The following FMN2 variants were observed in gnomAD, a reference collection of about 807,000 sequenced individuals.
FMN2 encodes the protein formin-2.
Under a neutral mutation model 142.3 loss-of-function variants are expected in FMN2, and 51 were observed. That is an observed-to-expected ratio of 0.36 (90% confidence interval 0.29 to 0.45). FMN2 has a LOEUF of 0.45. Ranked by LOEUF, FMN2 falls within the 20% of genes least tolerant of loss-of-function variation. The pLI is 1.00. For synonymous variants in FMN2, 882 were observed against 869.8 expected, an observed-to-expected ratio of 1.01 and a Z score of -0.25; for missense variants, 1,936 against 2,122.8, an observed-to-expected ratio of 0.91 and a Z score of 1.73.
chr1:240,092,662 A>G lies in FMN2; in HGVS notation c.553A>G (p.Ser185Gly). Residue 185 changes from serine to glycine, a missense_variant, in exon 1 of 18, where the codon AGC (serine) becomes GGC (glycine). Ser to Gly is a moderately conservative substitution (Grantham distance 56). This residue lies in a region of FMN2 where 751 missense variants were observed against 791.8 expected (regional missense o/e 0.95). Coordinates refer to ENST00000319653, the MANE Select transcript of FMN2 (RefSeq NM_020066.5). ...CTCGGGCTCGGACACGGACATCTATAGCTTCCATTCGGCTACGGAGCAAGA... is the reference window on the plus strand; with the variant it reads ...CTCGGGCTCGGACACGGACATCTATGGCTTCCATTCGGCTACGGAGCAAGA... ...TSSGSDTDIY[S>G]FHSATEQEDL... 1.2e-6 allele frequency: 2 copies of G among 1,614,090 alleles called. No homozygotes were observed. Among genetic ancestry groups the G allele is most frequent in the Non-Finnish European group, 1.7e-6 (2 of 1,179,996 alleles).
chr1:240,324,926 A>G (rs770360530), intron 8 of FMN2, among the ~76,000 whole-genome samples: 1 of 152,136 alleles, frequency 6.6e-6, no homozygotes, highest in Non-Finnish European at 1.5e-5. Flanking sequence ...GAATTCTAAG[A>G]TGCGTCAAAA....
At chr1:240,289,020 G>T (rs975266996) in intron 7 of FMN2, among the ~76,000 whole-genome samples, 1 of 152,164 alleles carries the variant, frequency 6.6e-6, no homozygotes, top group Non-Finnish European at 1.5e-5. Context: ...CCCACAGAAC[G>T]TGTGAGATAA....
At chr1:240,106,052 T>C (rs902088980) in intron 1 of FMN2, among the ~76,000 whole-genome samples, 1 of 152,154 alleles carries the variant, frequency 6.6e-6, no homozygotes, top group African/African-American at 2.4e-5. Flanking sequence ...GTGTCTTACA[T>C]TGAACATTAA....
intron 1 of FMN2, 116 bp from the exon 2 acceptor site, chr1:240,123,063 G>A (rs890424347): frequency 2.6e-6 from 3 of 1,145,748 alleles, no homozygotes; most frequent in Admixed American, 2.4e-5. Context: ...TGCGCTGTCA[G>A]TAGCCTTGGA....
At position 240,330,623 on chromosome 1, in the gene FMN2, G is replaced by A. The variant is rs1671344563; in HGVS notation, c.4458G>A (p.Gly1486=). The A allele has an allele frequency of 6.2e-7, 1 of 1,613,784 alleles. No homozygotes were observed. The highest frequency in any genetic ancestry group is 8.5e-7 in the Non-Finnish European group (1 of 1,179,850). ...KLCETLKNGP[G]VMQVLGLVLA... ...TACAGACATTAAAAAATGGCCCAGG[G>A]GTTATGCAGGTTCTAGGTTTGGTTC... Residue 1486 remains glycine (G), a synonymous_variant, in exon 11 of 18, where the codon GGG becomes GGA. Coordinates refer to ENST00000319653, the MANE Select transcript of FMN2 (RefSeq NM_020066.5).
chr1:240,158,653 A>G (rs1206284515), intron 2 of FMN2, among the ~76,000 whole-genome samples: 1 of 152,100 alleles, frequency 6.6e-6, no homozygotes, highest in Non-Finnish European at 1.5e-5. Context: ...CCAAGCTACT[A>G]CTTAGTTTCT....
chr1:240,412,217 A>G (rs546690667), intron 15 of FMN2, among the ~76,000 whole-genome samples: 2 of 152,324 alleles, frequency 1.3e-5, no homozygotes, highest in African/African-American at 4.8e-5. Flanking sequence ...ATTACAATGT[A>G]TGCCTAAAGA....
rs551870967 is a variant in FMN2 at position 240,242,003 on chromosome 1, G to A, written c.4066-15942G>A. Among the ~76,000 whole-genome samples, 9 of 151,880 alleles carry A rather than the reference G, an allele frequency of 5.9e-5. No individual in the cohort carries two copies. The South Asian group carries it at 1.3e-3, about 21-fold the overall frequency. ...TGGGACTACAGGTGCCCGCCACCAC[G>A]CCCGGCTAATTTTTTGTATTTTTAG... On this transcript the variant is annotated intron_variant, in intron 6 of 17. Coordinates refer to ENST00000319653, the MANE Select transcript of FMN2 (RefSeq NM_020066.5).
rs189450526 is a variant in FMN2, at chr1:240,107,218, A to T, written c.1615+13494A>T. On this transcript the variant is annotated intron_variant, in intron 1 of 17. Coordinates refer to ENST00000319653, the MANE Select transcript of FMN2 (RefSeq NM_020066.5). ...TCTTGAGAAGAGCAATTTCATCATC[A>T]CTGGAGATGTTAAAATAGAGACTGA... Among the ~76,000 whole-genome samples the T allele has an allele frequency of 2.0e-5, 3 of 152,202 alleles. No individual in the cohort carries two copies. In the East Asian group the frequency reaches 5.8e-4, roughly 30 times the overall value.
At chr1:240,378,384 C>G (rs934277648) in intron 14 of FMN2, among the ~76,000 whole-genome samples, 2 of 152,158 alleles carry the variant, frequency 1.3e-5, no homozygotes, top group Admixed American at 6.5e-5. Flanking sequence ...CTCCTGACCT[C>G]AGGTGATCCA....
At chr1:240,119,096 G>A (rs1662135494) in intron 1 of FMN2, among the ~76,000 whole-genome samples, 1 of 151,986 alleles carries the variant, frequency 6.6e-6, no homozygotes, top group Non-Finnish European at 1.5e-5. Context: ...TTGGGAGGCT[G>A]AGGTGGGCGG....
At chr1:240,144,007 A>C (rs1049233949) in intron 2 of FMN2, 14 of 1,200,286 alleles carry the variant, frequency 1.2e-5, no homozygotes, top group African/African-American at 6.0e-5. Context: ...GGACACACTC[A>C]TTCCAGACCC....
At position 240,133,474 on chromosome 1, in the gene FMN2, T is replaced by G. The variant is rs143811521; in HGVS notation, c.1782+10129T>G. Among the ~76,000 whole-genome samples the G allele has an allele frequency of 5.2e-3, 787 of 152,282 alleles. 3 individuals are homozygous for G. The highest frequency in any genetic ancestry group is 0.031 in the South Asian group (151 of 4,822). On this transcript the variant is annotated intron_variant, in intron 2 of 17. Coordinates refer to ENST00000319653, the MANE Select transcript of FMN2 (RefSeq NM_020066.5). ...GCATGAAACACCGCACCTGGCCATGTCATTTTAATTGTTTCTCTATCAGAA... is the reference window on the plus strand; with the variant it reads ...GCATGAAACACCGCACCTGGCCATGGCATTTTAATTGTTTCTCTATCAGAA...
chr1:240,312,446 C>T (rs991949077), intron 8 of FMN2, among the ~76,000 whole-genome samples: 1 of 152,180 alleles, frequency 6.6e-6, no homozygotes, highest in Non-Finnish European at 1.5e-5. Context: ...ACATTGTACG[C>T]ATATTCACTT....
intron 6 of FMN2, among the ~76,000 whole-genome samples, chr1:240,213,859 G>C (rs769570317): frequency 1.3e-5 from 2 of 152,186 alleles, no homozygotes; most frequent in African/African-American, 4.8e-5. Flanking sequence ...TGTTTTTACC[G>C]TCATGGCAGA....
intron 6 of FMN2, among the ~76,000 whole-genome samples, chr1:240,212,647 A>T (rs530984807): frequency 6.6e-6 from 1 of 152,340 alleles, no homozygotes; most frequent in South Asian, 2.1e-4. Context: ...AAAAGGAGTA[A>T]TGGAAAATCA....
chr1:240,218,629 T>C (rs1338963240), intron 6 of FMN2, among the ~76,000 whole-genome samples: 1 of 152,076 alleles, frequency 6.6e-6, no homozygotes, highest in Non-Finnish European at 1.5e-5. Context: ...GCACAGCCAA[T>C]TTAGAGTGGA....
chr1:240,303,040 T>TAAA (rs10711831), intron 8 of FMN2, among the ~76,000 whole-genome samples: 1 of 148,674 alleles, frequency 6.7e-6, no homozygotes, highest in Non-Finnish European at 1.5e-5. Flanking sequence ...TCTCTATGAC[T>TAAA]AAAAAAAAAA....
At chr1:240,189,751 C>T (rs1197549248) in intron 4 of FMN2, among the ~76,000 whole-genome samples, 1 of 152,010 alleles carries the variant, frequency 6.6e-6, no homozygotes, top group African/African-American at 2.4e-5. Flanking sequence ...ACTGATGGTT[C>T]CTTAATTATC....
Sources: allele counts gnomAD v4.1 joint callset (sites outside exome capture counted in the v4.1 genomes callset), GRCh38; gene constraint gnomAD v4.1.1; regional missense constraint gnomAD v4.1.1; transcripts MANE v1.5; gene names NCBI Gene and HGNC (gene_info 2026-07-23, HGNC 2026-07-21).